Variants in FRY observed in about 807,000 individuals in gnomAD.
FRY encodes FRY microtubule binding protein, also known as protein furry homolog.
Under a neutral mutation model 348.4 loss-of-function variants are expected in FRY, and 128 were observed. The ratio of observed to expected loss-of-function variants is 0.37; its 90% confidence interval spans 0.32 to 0.43. The LOEUF is 0.43. Among genes scored for constraint, FRY ranks in the 20% least tolerant of loss-of-function variants. FRY has a pLI of 1.00. For synonymous variants in FRY, 1,370 were observed against 1,374.7 expected (o/e 1.00, Z 0.08); for missense variants, 2,736 against 3,695.2 (o/e 0.74, Z 6.73).
intron 11 of FRY, among the ~76,000 whole-genome samples, chr13:32,142,411 G>T (rs56690095): frequency 0.026 from 3,960 of 152,246 alleles, 192 homozygotes; most frequent in African/African-American, 0.091. Flanking sequence ...TAAAATACCT[G>T]CCCTGGCAAG....
At chr13:32,086,093 G>A in intron 2 of FRY, 1 of 453,620 alleles carries the variant, frequency 2.2e-6, no homozygotes, top group South Asian at 1.7e-5. Flanking sequence ...TTTCAAAGAG[G>A]AAATTTCATT....
intron 17 of FRY, among the ~76,000 whole-genome samples, chr13:32,168,355 C>T (rs1881868110): frequency 6.6e-6 from 1 of 152,224 alleles, no homozygotes; most frequent in Non-Finnish European, 1.5e-5. Context: ...GGCCCACCCA[C>T]ATGAGGGAGG....
rs1416315439 is a variant in FRY at position 32,179,679 on chromosome 13, T to C, written c.2876T>C (p.Ile959Thr). The C allele has an allele frequency of 1.2e-6, 2 of 1,613,964 alleles. No homozygotes were observed. Among genetic ancestry groups the C allele is most frequent in the East Asian group, 2.2e-5 (1 of 44,880 alleles). The change falls in exon 23 of 61, where the codon ATA becomes ACA. Residue 959 changes from isoleucine (I) to threonine (T), a missense_variant. Ile to Thr is a moderately conservative substitution (Grantham distance 89, BLOSUM62 -1). Around this residue, in one of 9 missense-constraint regions of FRY, gnomAD observed 449 missense variants for 576.9 expected, o/e 0.78. Transcript: ENST00000542859. ...DGTVSYDNKA[I>T]GTPSVGVLLK... Reference sequence around the variant, plus strand: ...CTTGTATTCAACTTATTTCAGGCCATAGGCACCCCATCGGTGGGAGTTCTG... The same window carrying C: ...CTTGTATTCAACTTATTTCAGGCCACAGGCACCCCATCGGTGGGAGTTCTG...
At chr13:32,210,778 A>C in intron 33 of FRY, 88 bp from the exon 34 acceptor site, 1 of 1,061,694 alleles carries the variant, frequency 9.4e-7, no homozygotes, top group Non-Finnish European at 1.4e-6. Flanking sequence ...GCATGATGAC[A>C]ACTTATCTAA....
chr13:32,292,056 C>G (rs1269310235), intron 59 of FRY: 2 of 443,650 alleles, frequency 4.5e-6, no homozygotes, highest in East Asian at 1.5e-4. Flanking sequence ...GATCTCGGCT[C>G]ACTGCAACTG....
rs983690225 is a variant in FRY at position 32,233,679 on chromosome 13, C to G, written c.5528-895C>G. Among the ~76,000 whole-genome samples, 3 of 151,920 alleles carry G rather than the reference C, an allele frequency of 2.0e-5. No homozygotes were observed. In the South Asian group the frequency reaches 6.2e-4, roughly 32 times the overall value. On this transcript the variant is annotated intron_variant, in intron 41 of 60. Transcript: ENST00000542859. ...CTGAAATTTCCTCTACTCTAACAAA[C>G]TTACAAAAAAAGGAGAGTATTCTAT... is the stretch of plus-strand genomic sequence containing the variant.
chr13:32,138,070 A>G (rs1879830875), intron 11 of FRY, among the ~76,000 whole-genome samples: 4 of 152,044 alleles, frequency 2.6e-5, no homozygotes, highest in Admixed American at 1.3e-4. Flanking sequence ...AAAAAATGAA[A>G]TGCTTTTCAG....
intron 35 of FRY, among the ~76,000 whole-genome samples, chr13:32,216,269 G>A (rs1364003766): frequency 6.6e-6 from 1 of 152,144 alleles, no homozygotes; most frequent in Non-Finnish European, 1.5e-5. Context: ...ACCCAGAAAA[G>A]CAAAGGAAAA....
chr13:32,178,672 A>G (rs559292158), intron 21 of FRY, among the ~76,000 whole-genome samples, 172 bp from the exon 22 acceptor site: 1 of 152,212 alleles, frequency 6.6e-6, no homozygotes, highest in African/African-American at 2.4e-5. Flanking sequence ...GGTAAAAGAT[A>G]CTTTAAAGTT....
chr13:32,061,039 T>C (rs769861850), intron 1 of FRY: 1 of 515,538 alleles, frequency 1.9e-6, no homozygotes, highest in Non-Finnish European at 4.0e-6. Context: ...ATTATGTGTT[T>C]TGGCTTTGGA....
At chr13:32,135,533 G>A (rs1332999477) in intron 10 of FRY, among the ~76,000 whole-genome samples, 2 of 152,136 alleles carry the variant, frequency 1.3e-5, no homozygotes, top group Non-Finnish European at 2.9e-5. Context: ...TCAATCCCCA[G>A]GAGCCTGCCC....
chr13:32,183,178 TTTA>T, intron 24 of FRY, 144 bp downstream of exon 24: 2 of 586,048 alleles, frequency 3.4e-6, no homozygotes, highest in Non-Finnish European at 3.1e-6. Context: ...TTTTGTTGTT[TTTA>T]TTATTTTTCA....
At chr13:32,226,198 A>G (rs1391794126) in intron 39 of FRY, among the ~76,000 whole-genome samples, 1 of 152,172 alleles carries the variant, frequency 6.6e-6, no homozygotes, top group Admixed American at 6.5e-5. Context: ...TTTCCTGGTT[A>G]TATATATGAT....
intron 53 of FRY, among the ~76,000 whole-genome samples, chr13:32,263,870 A>G (rs1018835048): frequency 3.3e-5 from 5 of 152,142 alleles, no homozygotes; most frequent in Non-Finnish European, 7.4e-5. Context: ...TTAACCGGTC[A>G]TGGTGGCGGT....
chr13:32,107,648 C>A (rs1877643942), intron 3 of FRY, among the ~76,000 whole-genome samples: 1 of 152,158 alleles, frequency 6.6e-6, no homozygotes, highest in Admixed American at 6.5e-5. Flanking sequence ...GAGGCCCCAC[C>A]ACTGGAGTCT....
chr13:32,245,106 C>T (rs756404945), intron 47 of FRY, among the ~76,000 whole-genome samples: 2 of 152,020 alleles, frequency 1.3e-5, no homozygotes, highest in Non-Finnish European at 2.9e-5. Flanking sequence ...TGTGCCACCA[C>T]GCCCGGCTAA....
intron 17 of FRY, among the ~76,000 whole-genome samples, chr13:32,161,622 A>T (rs1881449317): frequency 6.6e-6 from 1 of 152,210 alleles, no homozygotes; most frequent in African/African-American, 2.4e-5. Flanking sequence ...GAGTTCAGAA[A>T]GGTAAAGGCA....
chr13:32,064,566 C>T (rs979454775), intron 1 of FRY, among the ~76,000 whole-genome samples: 4 of 152,142 alleles, frequency 2.6e-5, no homozygotes, highest in African/African-American at 9.7e-5. Flanking sequence ...TAGCCCAATA[C>T]CCCAAGTACA....
intron 29 of FRY, among the ~76,000 whole-genome samples, chr13:32,201,073 T>TG (rs1363824189): frequency 6.6e-6 from 1 of 152,230 alleles, no homozygotes; most frequent in African/African-American, 2.4e-5. Flanking sequence ...GTCCATAGGC[T>TG]GGTCATCTTC....
Sources: allele counts gnomAD v4.1 joint callset (sites outside exome capture counted in the v4.1 genomes callset), GRCh38; gene constraint gnomAD v4.1.1; regional missense constraint gnomAD v4.1.1; transcripts MANE v1.5; gene names NCBI Gene and HGNC (gene_info 2026-07-23, HGNC 2026-07-21).